Variants in CACNB4 observed in about 807,000 individuals in gnomAD.
CACNB4 encodes the protein voltage-dependent L-type calcium channel subunit beta-4.
CACNB4 carries 32 observed loss-of-function variants against 71.2 expected under a neutral mutation model. The observed-to-expected ratio is 0.45, with a 90% CI of 0.34 to 0.60. The LOEUF is 0.60. CACNB4 is among the 20% of genes least tolerant of loss of function. The probability of loss-of-function intolerance (pLI) is 0.01; values close to 1 mark genes in which losing one functional copy is unlikely to be tolerated. For synonymous variants in CACNB4, 231 were observed against 236.9 expected (o/e 0.97, Z 0.23); for missense variants, 464 against 647.9 (o/e 0.72, Z 3.08).
intron 2 of CACNB4, among the ~76,000 whole-genome samples, chr2:151,915,868 A>G (rs955501939): frequency 2.0e-4 from 25 of 127,760 alleles, no homozygotes; most frequent in African/African-American, 6.2e-4. Flanking sequence ...AAAAAAAAAA[A>G]AGAATGTGCA....
At chr2:151,866,580 G>A (rs139481920) in intron 9 of CACNB4, 2 of 152,282 alleles carry the variant, frequency 1.3e-5, no homozygotes, top group East Asian at 3.9e-4. Flanking sequence ...TATTCCCCAC[G>A]AAGAAGACAT....
intron 2 of CACNB4, among the ~76,000 whole-genome samples, chr2:151,936,640 C>T (rs1200682718): frequency 6.6e-6 from 1 of 152,234 alleles, no homozygotes; most frequent in Non-Finnish European, 1.5e-5. Flanking sequence ...TGCCTATCAC[C>T]TGCTTCCTTC....
intron 2 of CACNB4, among the ~76,000 whole-genome samples, chr2:151,903,968 T>A (rs1006300523): frequency 6.6e-6 from 1 of 152,036 alleles, no homozygotes; most frequent in Admixed American, 6.6e-5. Context: ...GTATAATAAG[T>A]ATGTATAGGA....
chr2:151,897,662 C>A (rs1487028342), intron 2 of CACNB4, among the ~76,000 whole-genome samples: 1 of 152,178 alleles, frequency 6.6e-6, no homozygotes, highest in East Asian at 1.9e-4. Flanking sequence ...CGAGAGCTGG[C>A]GTACAATAAG....
At chr2:152,073,676 AAC>A (rs1244845347) in intron 2 of CACNB4, among the ~76,000 whole-genome samples, 1 of 152,252 alleles carries the variant, frequency 6.6e-6, no homozygotes, top group Admixed American at 6.5e-5. Context: ...TTAAAAATGG[AAC>A]AAAAGAGATA....
chr2:151,967,039 ATTT>A lies in CACNB4; in HGVS notation c.148-83672_148-83670del, dbSNP rs5835390. On this transcript the variant is annotated intron_variant, in intron 2 of 13. Transcript: ENST00000539935. ...CCTGGCAATATGGCGCTGTCTCCAC[ATTT>A]TTTTTTTTTTTTTTTTTTTTTTTGA... 1.7e-3 allele frequency: 156 copies of A among 94,452 alleles called. 2 individuals are homozygous for A. The East Asian group carries it at 0.031, about 19-fold the overall frequency. The allele number at this position is 94,452 out of a possible 1,614,324, so 5.9% of individuals were successfully genotyped here.
At chr2:151,943,204 T>G (rs1317006281) in intron 2 of CACNB4, among the ~76,000 whole-genome samples, 1 of 152,214 alleles carries the variant, frequency 6.6e-6, no homozygotes, top group African/African-American at 2.4e-5. Context: ...TTCCTCTCTT[T>G]GTACTCTTTC....
chr2:151,935,756 A>T (rs1261121775), intron 2 of CACNB4, among the ~76,000 whole-genome samples: 3 of 152,256 alleles, frequency 2.0e-5, no homozygotes, highest in African/African-American at 7.2e-5. Flanking sequence ...ACTTCTGATA[A>T]CATTTGAAGA....
At chr2:151,952,302 T>C (rs1021190548) in intron 2 of CACNB4, among the ~76,000 whole-genome samples, 1 of 151,408 alleles carries the variant, frequency 6.6e-6, no homozygotes, top group African/African-American at 2.4e-5. Context: ...CAATGGGGAG[T>C]AATGATTTTG....
chr2:151,943,038 T>C (rs1246468037), intron 2 of CACNB4, among the ~76,000 whole-genome samples: 1 of 152,202 alleles, frequency 6.6e-6, no homozygotes, highest in African/African-American at 2.4e-5. Flanking sequence ...GTTCTGCTTT[T>C]TGCCCTTTGA....
At chr2:152,004,085 G>T (rs777662103) in intron 2 of CACNB4, among the ~76,000 whole-genome samples, 1 of 152,112 alleles carries the variant, frequency 6.6e-6, no homozygotes, top group African/African-American at 2.4e-5. Flanking sequence ...CTCCAAAAGC[G>T]CTGGGACTAT....
Position 151,834,578 on chromosome 2 carries a change from T to C in CACNB4, c.*4541A>G, listed in dbSNP as rs1345543798. On this transcript the variant is annotated 3_prime_UTR_variant, in exon 14 of 14. Transcript: ENST00000539935. ...TAATAAAAGAAGAAACTTTTAAAAG[T>C]AATTTTTGAATGCTGTAGTTCTGGG... The C allele has an allele frequency of 6.6e-6, 1 of 152,006 alleles. No homozygotes were observed. Among genetic ancestry groups the C allele is most frequent in the East Asian group, 1.9e-4 (1 of 5,202 alleles). 9.4% of individuals were successfully genotyped at this position (152,006 alleles called of 1,614,324 possible). A position where few individuals can be genotyped will look rare whatever the true frequency, so the allele number is the denominator to read the frequency against.
intron 2 of CACNB4, among the ~76,000 whole-genome samples, chr2:152,090,182 G>A (rs1047294398): frequency 2.6e-5 from 4 of 152,240 alleles, no homozygotes; most frequent in African/African-American, 9.6e-5. Flanking sequence ...CCAAAGGAAG[G>A]CCATTAAATA....
At chr2:151,882,386 A>C (rs1005163128) in intron 3 of CACNB4, among the ~76,000 whole-genome samples, 25 of 152,028 alleles carry the variant, frequency 1.6e-4, no homozygotes, top group Non-Finnish European at 4.4e-5. Context: ...ATAAAAATAG[A>C]AAAGGGAAGG....
intron 2 of CACNB4, among the ~76,000 whole-genome samples, chr2:151,994,295 T>C (rs1681912490): frequency 6.6e-6 from 1 of 151,446 alleles, no homozygotes; most frequent in Non-Finnish European, 1.5e-5. Context: ...AGTGGCATGA[T>C]CATGCTTTAC....
At chr2:152,028,091 C>T (rs16830616) in intron 2 of CACNB4, among the ~76,000 whole-genome samples, 27,599 of 152,012 alleles carry the variant, frequency 0.18, 3,792 homozygotes, top group East Asian at 0.74. Flanking sequence ...AGACAAGGAT[C>T]GCCTGAGCAG....
At chr2:152,045,789 G>A (rs187850891) in intron 2 of CACNB4, among the ~76,000 whole-genome samples, 28 of 152,134 alleles carry the variant, frequency 1.8e-4, no homozygotes, top group African/African-American at 5.5e-4. Flanking sequence ...TGTGCATCCC[G>A]CAGCTCTAAA....
At chr2:151,875,575 C>T (rs1471874968) in intron 5 of CACNB4, among the ~76,000 whole-genome samples, 1 of 149,392 alleles carries the variant, frequency 6.7e-6, no homozygotes, top group South Asian at 2.1e-4. Context: ...GGCGGCCGGG[C>T]AGAGGCGCCC....
At chr2:151,937,380 A>G (rs1247941579) in intron 2 of CACNB4, among the ~76,000 whole-genome samples, 2 of 152,146 alleles carry the variant, frequency 1.3e-5, no homozygotes, top group African/African-American at 4.8e-5. Context: ...TGGGAGAGGC[A>G]TTATATTAAG....
Sources: allele counts gnomAD v4.1 joint callset (sites outside exome capture counted in the v4.1 genomes callset), GRCh38; gene constraint gnomAD v4.1.1; transcripts MANE v1.5; gene names NCBI Gene and HGNC (gene_info 2026-07-23, HGNC 2026-07-21).